Variants in DLGAP1 observed in about 807,000 individuals in gnomAD.
The protein encoded by DLGAP1 is disks large-associated protein 1.
Under a neutral mutation model 90.8 loss-of-function variants are expected in DLGAP1, and 11 were observed. The ratio of observed to expected loss-of-function variants is 0.12; its 90% CI spans 0.08 to 0.20. The LOEUF (loss-of-function observed/expected upper bound fraction) is 0.20, where lower values mean the gene tolerates loss of function less well. Among genes scored for constraint, DLGAP1 ranks in the 10% least tolerant of loss-of-function variants. DLGAP1 has a pLI of 1.00. For missense variants in DLGAP1, 1,050 were observed against 1,333.8 expected, an observed-to-expected ratio of 0.79 and a Z score of 3.31; for synonymous variants, 558 against 540.7, an observed-to-expected ratio of 1.03 and a Z score of -0.44.
At chr18:4,201,845 A>G (rs1598609548) in intron 1 of DLGAP1, among the ~76,000 whole-genome samples, 1 of 152,148 alleles carries the variant, frequency 6.6e-6, no homozygotes, top group African/African-American at 2.4e-5. Context: ...CATGGATGCA[A>G]TGAAAAGCGA....
In DLGAP1 at chr18:3,522,546, C is replaced by CTTTTT. The variant is rs532794429; in HGVS notation, c.2479+11643_2479+11647dup. 3.9e-4 allele frequency among the ~76,000 whole-genome samples: 46 copies of CTTTTT among 116,542 alleles called. 1 individual carries two copies. The highest frequency in any genetic ancestry group is 5.6e-4 in the South Asian group (2 of 3,596). 76.5% of individuals were successfully genotyped at this position (116,542 alleles called of 152,430 possible). ...ACTTTAAAGACACGTGCAGTCAACT[C>CTTTTT]TTTTTTTTTTTTTTTTTTGGAGACC... On this transcript the variant is annotated intron_variant, in intron 10 of 12. Coordinates refer to ENST00000315677, the MANE Select transcript of DLGAP1 (RefSeq NM_004746.4).
At chr18:4,142,179 C>A (rs1267210466) in intron 2 of DLGAP1, among the ~76,000 whole-genome samples, 1 of 152,114 alleles carries the variant, frequency 6.6e-6, no homozygotes, top group East Asian at 1.9e-4. Flanking sequence ...AACAAATACT[C>A]AAAAATTGTA....
Position 3,565,458 on chromosome 18 carries a change from A to G in DLGAP1, c.2057+2032T>C, listed in dbSNP as rs561838434. On this transcript the variant is annotated intron_variant, in intron 9 of 12. Transcript: ENST00000315677. The surrounding 1 kb of genome is among the most constrained non-coding windows in gnomAD (Gnocchi z 4.0). ...AGCCATTGCCCATGTCCAGGAATAT[A>G]TTTTCTTTAATGTCTACTAAATGTA... is the stretch of plus-strand genomic sequence containing the variant. 1.3e-4 allele frequency among the ~76,000 whole-genome samples: 20 copies of G among 152,088 alleles called. No homozygotes were observed. The East Asian group carries it at 2.9e-3, about 22-fold the overall frequency.
At chr18:4,381,350 A>G (rs2082113558) in intron 1 of DLGAP1, among the ~76,000 whole-genome samples, 1 of 152,184 alleles carries the variant, frequency 6.6e-6, no homozygotes, top group Non-Finnish European at 1.5e-5. Flanking sequence ...ATATAAGCAG[A>G]ATGATGCCCA....
chr18:3,505,709 A>G (rs2050179096), intron 11 of DLGAP1, among the ~76,000 whole-genome samples: 1 of 151,766 alleles, frequency 6.6e-6, no homozygotes, highest in Admixed American at 6.6e-5. Context: ...CAGCCCAGAA[A>G]TCTAAACGCT....
chr18:4,351,032 G>C (rs920958323), intron 1 of DLGAP1, among the ~76,000 whole-genome samples: 12 of 152,208 alleles, frequency 7.9e-5, no homozygotes, highest in Admixed American at 7.2e-4. Context: ...TGAAAATGGA[G>C]AGATTGACTA....
chr18:4,296,076 A>G (rs2079972985), intron 1 of DLGAP1, among the ~76,000 whole-genome samples: 1 of 152,202 alleles, frequency 6.6e-6, no homozygotes, highest in African/African-American at 2.4e-5. Flanking sequence ...TGTGCTTCTC[A>G]TTTCATCATC....
chr18:3,861,881 C>T (rs17571529), intron 4 of DLGAP1, among the ~76,000 whole-genome samples: 19,565 of 152,232 alleles, frequency 0.13, 1,339 homozygotes, highest in Middle Eastern at 0.18. Context: ...ATTTGTTGGG[C>T]TGAAGTGATC....
At chr18:4,396,340 C>T (rs1422800338) in intron 1 of DLGAP1, among the ~76,000 whole-genome samples, 1 of 152,148 alleles carries the variant, frequency 6.6e-6, no homozygotes, top group African/African-American at 2.4e-5. Flanking sequence ...TAGAATTCCA[C>T]AGCCACTCCA....
chr18:4,005,514 T>G (rs569400250), intron 2 of DLGAP1, among the ~76,000 whole-genome samples: 3 of 152,262 alleles, frequency 2.0e-5, no homozygotes, highest in Admixed American at 6.5e-5. Flanking sequence ...TTCAATTATT[T>G]ATTCAACAAG....
chr18:4,137,328 ATTC>A (rs2076421129), intron 2 of DLGAP1, among the ~76,000 whole-genome samples: 1 of 152,082 alleles, frequency 6.6e-6, no homozygotes, highest in Admixed American at 6.6e-5. Flanking sequence ...GTCTTGTTTT[ATTC>A]TTCTGCATAT....
chr18:3,874,603 T>C, intron 4 of DLGAP1: 1 of 1,530,308 alleles, frequency 6.5e-7, no homozygotes, highest in Non-Finnish European at 8.7e-7. Flanking sequence ...ATTTAACTAT[T>C]AAGCACTTAC....
chr18:3,688,500 A>G (rs1010856962), intron 7 of DLGAP1, among the ~76,000 whole-genome samples: 1 of 152,104 alleles, frequency 6.6e-6, no homozygotes, highest in Non-Finnish European at 1.5e-5. Flanking sequence ...AAAATGTGAA[A>G]TGCCTGTTCA....
intron 1 of DLGAP1, among the ~76,000 whole-genome samples, chr18:4,382,719 T>C (rs2144335414): frequency 6.6e-6 from 1 of 152,298 alleles, no homozygotes; most frequent in East Asian, 1.9e-4. Flanking sequence ...GAAAAGGCTA[T>C]ATGAAAAATG....
intron 5 of DLGAP1, among the ~76,000 whole-genome samples, chr18:3,763,648 GA>G (rs2064075761): frequency 6.6e-6 from 1 of 151,770 alleles, no homozygotes; most frequent in African/African-American, 2.4e-5. Flanking sequence ...AACGGGAAAT[GA>G]AAGGCCTATC....
chr18:3,643,121 G>A (rs909345059), intron 7 of DLGAP1, among the ~76,000 whole-genome samples: 2 of 152,284 alleles, frequency 1.3e-5, no homozygotes, highest in South Asian at 2.1e-4. Context: ...AAAGAAGGAA[G>A]AAGATTTTAA....
chr18:4,002,168 C>T (rs760750367), intron 3 of DLGAP1, among the ~76,000 whole-genome samples: 41 of 152,118 alleles, frequency 2.7e-4, no homozygotes, highest in Non-Finnish European at 4.9e-4. Context: ...GCCACCTTGC[C>T]ACCACTTTCC....
chr18:3,947,449 C>G (rs766233529), intron 3 of DLGAP1, among the ~76,000 whole-genome samples: 1 of 152,210 alleles, frequency 6.6e-6, no homozygotes, highest in Non-Finnish European at 1.5e-5. Flanking sequence ...TACAATCCAT[C>G]TTTCTCTTGT....
At chr18:4,236,348 G>T (rs1015278639) in intron 1 of DLGAP1, among the ~76,000 whole-genome samples, 1 of 152,146 alleles carries the variant, frequency 6.6e-6, no homozygotes, top group African/African-American at 2.4e-5. Context: ...CTTTCGCTGG[G>T]TCTTCATCAA....
Sources: allele counts gnomAD v4.1 joint callset (sites outside exome capture counted in the v4.1 genomes callset), GRCh38; gene constraint gnomAD v4.1.1; non-coding constraint Gnocchi (gnomAD v3.1); transcripts MANE v1.5; gene names NCBI Gene and HGNC (gene_info 2026-07-23, HGNC 2026-07-21).